Variants in RUNX1 observed in about 807,000 individuals in gnomAD.
RUNX1 encodes the protein runt-related transcription factor 1.
Under a neutral mutation model 42.8 loss-of-function variants are expected in RUNX1, and 19 were observed. The observed-to-expected ratio is 0.44, with a 90% CI of 0.31 to 0.65. The LOEUF is 0.65. Among genes scored for constraint, RUNX1 ranks in the 30% least tolerant of loss-of-function variants. The pLI is 0.07. For synonymous variants in RUNX1, 271 were observed against 289.4 expected (o/e 0.94, Z 0.64); for missense variants, 528 against 672.0 (o/e 0.79, Z 2.37).
chr21:34,856,515 CA>C, intron 6 of RUNX1: 1 of 501,470 alleles, frequency 2.0e-6, no homozygotes, highest in East Asian at 5.5e-5. Flanking sequence ...GATGAATGGA[CA>C]GGTAGATAAA....
At chr21:34,884,819 G>A (rs1017263271) in intron 4 of RUNX1, among the ~76,000 whole-genome samples, 1 of 152,000 alleles carries the variant, frequency 6.6e-6, no homozygotes, top group Non-Finnish European at 1.5e-5. Context: ...TGTTCTCAGG[G>A]GATCTGCTTG....
intron 2 of RUNX1, among the ~76,000 whole-genome samples, chr21:34,966,115 T>A (rs1439139895): frequency 6.6e-6 from 1 of 152,148 alleles, no homozygotes; most frequent in East Asian, 1.9e-4. Flanking sequence ...TGCACACTTC[T>A]ATACATTAGA....
chr21:34,934,521 C>G (rs1181212523), intron 2 of RUNX1, among the ~76,000 whole-genome samples: 1 of 152,132 alleles, frequency 6.6e-6, no homozygotes, highest in African/African-American at 2.4e-5. Flanking sequence ...AATATTGGTC[C>G]AGCTCGCTGT....
intron 5 of RUNX1, among the ~76,000 whole-genome samples, chr21:34,880,218 G>T (rs527878841): frequency 2.5e-4 from 38 of 152,310 alleles, no homozygotes; most frequent in Admixed American, 8.5e-4. Flanking sequence ...ATCCAAGAGA[G>T]AATCCTCATT....
In RUNX1 at chr21:34,860,927, C is replaced by CTATTA. The variant is rs529295902; in HGVS notation, c.509-1350_509-1349insTAATA. ...ATGTGGATTCTATCTGTATTAAAGT[C>CTATTA]TATAATAAAAAGAGCAATAGCAAGT... On this transcript the variant is annotated intron_variant, in intron 5 of 8. Transcript: ENST00000675419. Among the ~76,000 whole-genome samples, 13 of 152,230 alleles carry CTATTA rather than the reference C, an allele frequency of 8.5e-5. No homozygotes were observed. In the South Asian group the frequency reaches 2.5e-3, roughly 29 times the overall value.
At chr21:34,802,947 T>C (rs1211453029) in intron 7 of RUNX1, among the ~76,000 whole-genome samples, 1 of 152,172 alleles carries the variant, frequency 6.6e-6, no homozygotes, top group African/African-American at 2.4e-5. Context: ...TTTCTGGCCA[T>C]AGTAAATGCT....
chr21:35,049,295 AAAG>A lies in RUNX1; in HGVS notation c.-190_-188del, dbSNP rs2059422802. 1 of 217,090 alleles carries A rather than the reference AAAG, an allele frequency of 4.6e-6. No homozygotes were observed. 13.4% of individuals were successfully genotyped at this position (217,090 alleles called of 1,614,324 possible). A position where few individuals can be genotyped will look rare whatever the true frequency, so the allele number is the denominator to read the frequency against. On this transcript the variant is annotated 5_prime_UTR_variant, in exon 1 of 9. Transcript: ENST00000675419. The stretch of plus-strand genomic sequence containing the variant: ...GGTTCTGTGGTTGTTTATGAGGCCC[AAAG>A]AAGTTTTCACACAACCCAAATTACA...
intron 6 of RUNX1, among the ~76,000 whole-genome samples, chr21:34,855,565 A>C (rs575382610): frequency 6.6e-6 from 1 of 152,014 alleles, no homozygotes; most frequent in Non-Finnish European, 1.5e-5. Flanking sequence ...ATTAGCTGGG[A>C]GTGGTTGTGG....
At chr21:34,996,750 C>T (rs1024430075) in intron 2 of RUNX1, among the ~76,000 whole-genome samples, 3 of 151,794 alleles carry the variant, frequency 2.0e-5, no homozygotes, top group African/African-American at 4.8e-5. Context: ...AAAGTGTTGC[C>T]GTAAGTAATC....
At position 34,952,237 on chromosome 21, in the gene RUNX1, T is replaced by A. The variant is rs1266194329; in HGVS notation, c.59-59274A>T. Among the ~76,000 whole-genome samples, 5 of 151,466 alleles carry A rather than the reference T, an allele frequency of 3.3e-5. No homozygotes were observed. In the East Asian group the frequency reaches 9.7e-4, roughly 29 times the overall value. On this transcript the variant is annotated intron_variant, in intron 2 of 8. Transcript: ENST00000675419. ...ACCGGGGCCTGTCGGGGGATGGGGG[T>A]CTAGGGGATGAATAGCAACCCATTA...
At chr21:35,009,698 C>T (rs183420122) in intron 2 of RUNX1, among the ~76,000 whole-genome samples, 127 of 152,158 alleles carry the variant, frequency 8.3e-4, no homozygotes, top group Non-Finnish European at 2.1e-4. Flanking sequence ...ATTCCTCTTG[C>T]CAGCCCTTAA....
In RUNX1 at chr21:34,913,327, C is replaced by G. The variant is rs555746654; in HGVS notation, c.59-20364G>C. ...TGCGTAGACTTTTCTCTGGGATGAA[C>G]TGGGCTCAGGAAAGGAAGAAACCTG... On this transcript the variant is annotated intron_variant, in intron 2 of 8. Coordinates refer to ENST00000675419, the MANE Select transcript of RUNX1 (RefSeq NM_001754.5). Among the ~76,000 whole-genome samples, 7 of 152,258 alleles carry G rather than the reference C, an allele frequency of 4.6e-5. No individual in the cohort carries two copies. In the East Asian group the frequency reaches 1.4e-3, roughly 29 times the overall value.
chr21:34,897,162 C>T (rs2058137182), intron 2 of RUNX1, among the ~76,000 whole-genome samples: 1 of 152,216 alleles, frequency 6.6e-6, no homozygotes, highest in Non-Finnish European at 1.5e-5. Context: ...ATGGATTGAT[C>T]TTTGCCCTCA....
In RUNX1 at chr21:34,893,783, T is replaced by TAAAAA. The variant is rs545585960; in HGVS notation, c.59-825_59-821dup. 3.3e-3 allele frequency among the ~76,000 whole-genome samples: 486 copies of TAAAAA among 149,096 alleles called. 4 individuals are homozygous for TAAAAA. The highest frequency in any genetic ancestry group is 0.012 in the African/African-American group (467 of 40,476). On this transcript the variant is annotated intron_variant, in intron 2 of 8. Transcript: ENST00000675419. ...ATTTAGTATGCTGTTTTTTTTTTTTTAAAAAAAAACCTTTAAAATAAGAGG... is the reference window on the plus strand; with the variant it reads ...ATTTAGTATGCTGTTTTTTTTTTTTTAAAAAAAAAAAAAACCTTTAAAATAAGAGG...
At chr21:34,954,116 T>C (rs2058628189) in intron 2 of RUNX1, among the ~76,000 whole-genome samples, 1 of 152,234 alleles carries the variant, frequency 6.6e-6, no homozygotes, top group Non-Finnish European at 1.5e-5. Flanking sequence ...TGAGATATTA[T>C]CTACCAGCAC....
In RUNX1 at chr21:34,880,849, ATAACT is replaced by A. The variant is rs56243517; in HGVS notation, c.352-141_352-137del. On this transcript the variant is annotated intron_variant, in intron 4 of 8. Coordinates refer to ENST00000675419, the MANE Select transcript of RUNX1 (RefSeq NM_001754.5). The stretch of plus-strand genomic sequence containing the variant: ...TTTAGGTTGCAGAGGAATAGCAATG[ATAACT>A]TAAGCAAAACAACAGAAAAGTTATA... 0.1 allele frequency: 89,708 copies of A among 891,430 alleles called. 6,403 individuals are homozygous for A. The highest frequency in any genetic ancestry group is 0.31 in the African/African-American group (18,551 of 59,524). The allele number at this position is 891,430 out of a possible 1,614,324, so 55.2% of individuals were successfully genotyped here.
At chr21:34,958,542 A>G (rs2058661605) in intron 2 of RUNX1, among the ~76,000 whole-genome samples, 1 of 152,226 alleles carries the variant, frequency 6.6e-6, no homozygotes. Context: ...TTCAAAAGTC[A>G]GGAAACAACA....
intron 5 of RUNX1, among the ~76,000 whole-genome samples, chr21:34,864,211 T>C (rs2057622689): frequency 6.6e-6 from 1 of 152,248 alleles, no homozygotes; most frequent in Non-Finnish European, 1.5e-5. Context: ...AAGTAGGATC[T>C]GTGCCTCGGG....
At chr21:34,812,194 A>G (rs890147833) in intron 7 of RUNX1, among the ~76,000 whole-genome samples, 1 of 152,182 alleles carries the variant, frequency 6.6e-6, no homozygotes, top group African/African-American at 2.4e-5. Flanking sequence ...ACTTTCTTCT[A>G]TGGTATCAGA....
Sources: allele counts gnomAD v4.1 joint callset (sites outside exome capture counted in the v4.1 genomes callset), GRCh38; gene constraint gnomAD v4.1.1; transcripts MANE v1.5; gene names NCBI Gene and HGNC (gene_info 2026-07-23, HGNC 2026-07-21).